TNRC18: variants seen among roughly 807,000 people sequenced by gnomAD.
TNRC18 encodes trinucleotide repeat-containing gene 18 protein.
In TNRC18, 69 loss-of-function variants were observed where a neutral mutation model predicts 226.7. The ratio of observed to expected loss-of-function variants is 0.30; its 90% CI spans 0.25 to 0.37. The LOEUF is 0.37. TNRC18 is among the 10% of genes least tolerant of loss of function. TNRC18 has a pLI of 1.00. For missense variants in TNRC18, 4,754 were observed against 4,256.6 expected, an observed-to-expected ratio of 1.12 and a Z score of -3.25; for synonymous variants, 2,449 against 1,927.6, an observed-to-expected ratio of 1.27 and a Z score of -7.09.
At chr7:5,420,847 C>A (rs1479439407) in intron 2 of TNRC18, 2 of 736,086 alleles carry the variant, frequency 2.7e-6, no homozygotes, top group Admixed American at 4.0e-5. Flanking sequence ...GGGCCAAGCA[C>A]GCTACGGAAA....
In TNRC18 at chr7:5,394,558, C is replaced by A; in HGVS notation, c.225G>T (p.Met75Ile). ...AFLGSFVASG[M>I]GPSASSHGSP... ...TCCCATGGGACGAGGCCGAGGGCCC[C>A]ATCCCGCTGGCCACAAAGCTGCCCA... The change falls in exon 3 of 30, where the codon ATG becomes ATT. Residue 75 changes from methionine (M) to isoleucine (I), a missense_variant. Transcript: ENST00000430969. This position sits in a 1 kb window ranked among gnomAD's most constrained non-coding sequence, Gnocchi z 4.5. 1 of 1,550,288 alleles carries A rather than the reference C, an allele frequency of 6.5e-7. No individual in the cohort carries two copies. The highest frequency in any genetic ancestry group is 8.7e-7 in the Non-Finnish European group (1 of 1,148,652).
At chr7:5,361,274 G>A (rs926782322) in intron 14 of TNRC18, among the ~76,000 whole-genome samples, 1 of 152,216 alleles carries the variant, frequency 6.6e-6, no homozygotes, top group Non-Finnish European at 1.5e-5. Context: ...GGGTCCTTCC[G>A]CAGGGAGGAG....
Position 5,388,054 on chromosome 7 carries a change from C to T in TNRC18, c.1770G>A (p.Lys590=). ...CGTCCCGGGCAAAGCTGCCACTGTA[C>T]TTTATAAGGCTCTGCATGGCCGAGG... is the stretch of plus-strand genomic sequence containing the variant. ...GEASAMQSLI[K]YSGSFARDAV... is the part of the protein sequence containing the mutation. Residue 590 remains lysine (K), a synonymous_variant, in exon 5 of 30, where the codon AAG becomes AAA. Coordinates refer to ENST00000430969, the MANE Select transcript of TNRC18 (RefSeq NM_001080495.3). 1 of 1,560,412 alleles carries T rather than the reference C, an allele frequency of 6.4e-7. No homozygotes were observed. The highest frequency in any genetic ancestry group is 8.7e-7 in the Non-Finnish European group (1 of 1,152,966).
chr7:5,376,224 G>T lies in TNRC18; in HGVS notation c.2609C>A (p.Ala870Glu). Residue 870 changes from alanine (A) to glutamate (E), a missense_variant and splice_region_variant, in exon 9 of 30, where the codon GCG (alanine) becomes GAG (glutamate). Physicochemically the swap from Ala to Glu is moderately radical, Grantham distance 107 (BLOSUM62 -1). Coordinates refer to ENST00000430969, the MANE Select transcript of TNRC18 (RefSeq NM_001080495.3). ...VIPSDHLPHF[A>E]ELMERATVPP... ...TACGGTGGCCCGCTCCATCAGCTCC[G>T]CTGCAGGGACAGAGACAGTGCGCTG... The T allele has an allele frequency of 6.7e-7, 1 of 1,495,706 alleles. No homozygotes were observed. Among genetic ancestry groups the T allele is most frequent in the Non-Finnish European group, 8.9e-7 (1 of 1,126,832 alleles). 92.7% of individuals were successfully genotyped at this position (1,495,706 alleles called of 1,614,324 possible). A position where few individuals can be genotyped will look rare whatever the true frequency, so the allele number is the denominator to read the frequency against.
intron 18 of TNRC18, among the ~76,000 whole-genome samples, chr7:5,336,571 G>A (rs142528782): frequency 2.4e-5 from 3 of 126,674 alleles, no homozygotes; most frequent in Admixed American, 1.8e-4. Flanking sequence ...GCAAGACTCT[G>A]TCTCTACAAA....
chr7:5,403,880 G>A (rs1305739928), intron 2 of TNRC18, among the ~76,000 whole-genome samples: 1 of 151,916 alleles, frequency 6.6e-6, no homozygotes, highest in Non-Finnish European at 1.5e-5. Flanking sequence ...TGTCACCCAG[G>A]AAAGGCATTA....
At chr7:5,371,592 G>A (rs1794164703) in intron 10 of TNRC18, among the ~76,000 whole-genome samples, 2 of 152,186 alleles carry the variant, frequency 1.3e-5, no homozygotes, top group South Asian at 4.1e-4. Context: ...TTGTGGTCTT[G>A]AAGGCAAAGA....
chr7:5,389,420 GGGATGGACCAACCCATGCCTCCCCCA>G (rs1780108962), intron 4 of TNRC18, 84 bp from the exon 5 acceptor site: 1 of 1,200,348 alleles, frequency 8.3e-7, no homozygotes. Flanking sequence ...CCCTGAGAGG[GGGATGGACCAACCCATGCCTCCCCCA>G]GTGTTTTGGT....
intron 5 of TNRC18, among the ~76,000 whole-genome samples, chr7:5,386,531 A>C (rs1490900107): frequency 1.3e-5 from 2 of 151,356 alleles, no homozygotes; most frequent in African/African-American, 4.9e-5. Flanking sequence ...CCAAGATGGC[A>C]CCACTGTACT....
chr7:5,390,456 C>G (rs147269791), intron 4 of TNRC18, 29 bp downstream of exon 4: 49 of 1,612,814 alleles, frequency 3.0e-5, no homozygotes, highest in Admixed American at 6.7e-5. Context: ...GGCCCCTGTG[C>G]CACCCCCAAC....
At chr7:5,409,203 C>T (rs1167919454) in intron 2 of TNRC18, among the ~76,000 whole-genome samples, 4 of 151,434 alleles carry the variant, frequency 2.6e-5, no homozygotes, top group South Asian at 2.1e-4. Context: ...CAGGTGCCCA[C>T]GGGAAGTCTC....
At chr7:5,345,869 C>G (rs534103455) in intron 17 of TNRC18, 59 bp from the exon 18 acceptor site, 6 of 1,494,620 alleles carry the variant, frequency 4.0e-6, no homozygotes, top group East Asian at 2.5e-5. Context: ...GGCCACCCCC[C>G]ACCGCCCCCT....
intron 5 of TNRC18, among the ~76,000 whole-genome samples, chr7:5,379,768 G>T (rs537342231): frequency 6.6e-6 from 1 of 152,236 alleles, no homozygotes. Context: ...TGTGCAGCTC[G>T]AAAACCTGCC....
intron 18 of TNRC18, among the ~76,000 whole-genome samples, chr7:5,341,741 C>G (rs1047508018): frequency 5.6e-5 from 6 of 106,886 alleles, no homozygotes; most frequent in African/African-American, 2.3e-4. Flanking sequence ...TCCAGCCTGG[C>G]AAAAGAGCGA....
chr7:5,377,312 A>ACCCCCCCCCCCCCC lies in TNRC18; in HGVS notation c.2461+58_2461+59insGGGGGGGGGGGGGG. The ACCCCCCCCCCCCCC allele has an allele frequency of 4.6e-6, 6 of 1,295,718 alleles. No individual in the cohort carries two copies. The highest frequency in any genetic ancestry group is 1.5e-5 in the African/African-American group (1 of 67,014). 80.3% of individuals were successfully genotyped at this position (1,295,718 alleles called of 1,614,324 possible). On this transcript the variant is annotated intron_variant, in intron 7 of 29. Transcript: ENST00000430969. The surrounding 1 kb of genome is among the most constrained non-coding windows in gnomAD (Gnocchi z 5.8). ...AGCCAGCCCTGAGCTCTTGTCCTGCACCCGCCCCCTCCCACCCCTCCCTCA... is the reference window on the plus strand; with the variant it reads ...AGCCAGCCCTGAGCTCTTGTCCTGCACCCCCCCCCCCCCCCCCGCCCCCTCCCACCCCTCCCTCA...
Position 5,374,183 on chromosome 7 carries a change from G to T in TNRC18, c.3101C>A (p.Pro1034Gln), listed in dbSNP as rs764873435. Residue 1034 changes from proline to glutamine, a missense_variant, in exon 10 of 30, where the codon CCG becomes CAG. Transcript: ENST00000430969. ...PATPSSHPTSPPPASPPPTPG... is the reference protein window; with the variant it reads ...PATPSSHPTSQPPASPPPTPG... The stretch of plus-strand genomic sequence containing the variant: ...GGTGGGCGGTGGGGAGGCGGGCGGC[G>T]GGCTGGTGGGGTGGGAGCTGGGGGT... 2 of 1,421,680 alleles carry T rather than the reference G, an allele frequency of 1.4e-6. No homozygotes were observed. The highest frequency in any genetic ancestry group is 3.0e-5 in the African/African-American group (2 of 66,340). 88.1% of individuals were successfully genotyped at this position (1,421,680 alleles called of 1,614,324 possible). A position where few individuals can be genotyped will look rare whatever the true frequency, so the allele number is the denominator to read the frequency against.
Position 5,308,175 on chromosome 7 carries a change from G to A in TNRC18, c.8838C>T (p.Tyr2946=), listed in dbSNP as rs1367973626. Residue 2946 remains tyrosine (Y), a synonymous_variant, in exon 30 of 30, where the codon TAC becomes TAT. Coordinates refer to ENST00000430969, the MANE Select transcript of TNRC18 (RefSeq NM_001080495.3). ...KKYQDSEGLY[Y]LAGTYEPTTG... ...TGGTGGGCTCGTAGGTGCCCGCGAG[G>A]TAGTACAGGCCCTCGCTGTCCTGGT... 6.3e-6 allele frequency: 10 copies of A among 1,596,538 alleles called. No individual in the cohort carries two copies. The highest frequency in any genetic ancestry group is 4.5e-5 in the East Asian group (2 of 44,024).
intron 10 of TNRC18, among the ~76,000 whole-genome samples, chr7:5,372,683 GCAGC>G (rs1354722967): frequency 6.6e-6 from 1 of 152,016 alleles, no homozygotes; most frequent in Non-Finnish European, 1.5e-5. Flanking sequence ...CCACTGCACG[GCAGC>G]CTGGGTGACA....
In TNRC18 at chr7:5,371,266, A is replaced by G. The variant is rs1562566306; in HGVS notation, c.3328T>C (p.Leu1110=). The stretch of plus-strand genomic sequence containing the variant: ...GCCGGGAGCGGCACATCAGGGGCCA[A>G]GCCGTCCGCGTCGGCGGCGGCCGTG... ...QPTAAADADG[L]APDVPLPADG... The change falls in exon 11 of 30, where the codon TTG becomes CTG. Residue 1110 remains leucine, a synonymous_variant. Transcript: ENST00000430969. The G allele has an allele frequency of 6.3e-7, 1 of 1,596,068 alleles. No individual in the cohort carries two copies. The highest frequency in any genetic ancestry group is 8.5e-7 in the Non-Finnish European group (1 of 1,170,246).
Sources: allele counts gnomAD v4.1 joint callset (sites outside exome capture counted in the v4.1 genomes callset), GRCh38; gene constraint gnomAD v4.1.1; non-coding constraint Gnocchi (gnomAD v3.1); transcripts MANE v1.5; gene names NCBI Gene and HGNC (gene_info 2026-07-23, HGNC 2026-07-21).